The following TSPEAR variants were observed in gnomAD, a reference collection of about 807,000 sequenced individuals.
TSPEAR encodes the protein thrombospondin type laminin G domain and EAR repeats.
TSPEAR carries 69 observed loss-of-function variants against 71.6 expected under a neutral mutation model. The ratio of observed to expected loss-of-function variants is 0.96; its 90% CI spans 0.79 to 1.18. The LOEUF (loss-of-function observed/expected upper bound fraction) is 1.18. Among genes scored for constraint, TSPEAR ranks in the 50% most tolerant of loss-of-function variants. TSPEAR has a pLI of 0.00. For synonymous variants in TSPEAR, 402 were observed against 387.2 expected, an observed-to-expected ratio of 1.04 and a Z score of -0.45; for missense variants, 971 against 894.9, an observed-to-expected ratio of 1.09 and a Z score of -1.09.
In TSPEAR at chr21:44,592,088, A is replaced by T. The variant is rs373258124; in HGVS notation, c.83-24083T>A. 1.4e-5 allele frequency: 20 copies of T among 1,474,376 alleles called. 1 individual carries two copies. Among genetic ancestry groups the T allele is most frequent in the Non-Finnish European group, 1.8e-5 (20 of 1,094,662 alleles). 91.3% of individuals were successfully genotyped at this position (1,474,376 alleles called of 1,614,324 possible). On this transcript the variant is annotated intron_variant, in intron 1 of 11. Transcript: ENST00000323084. The stretch of plus-strand genomic sequence containing the variant: ...CAGCTAGACTGCTGGCAGCATGAAG[A>T]ATCCCCACAGCAGACGGACACACAG...
At chr21:44,564,626 A>G (rs1555921523) in intron 2 of TSPEAR, among the ~76,000 whole-genome samples, 1 of 152,224 alleles carries the variant, frequency 6.6e-6, no homozygotes, top group East Asian at 1.9e-4. Context: ...GAGCACCAAA[A>G]TACATGAAGC....
chr21:44,690,712 T>G (rs562622579), intron 1 of TSPEAR: 1 of 501,670 alleles, frequency 2.0e-6, no homozygotes, highest in Admixed American at 6.4e-5. Flanking sequence ...TATGTGTTTT[T>G]CTAAGGCTAA....
intron 1 of TSPEAR, among the ~76,000 whole-genome samples, chr21:44,707,390 C>T (rs547755638): frequency 1.3e-3 from 191 of 151,538 alleles, no homozygotes; most frequent in African/African-American, 4.3e-3. Flanking sequence ...AGCTGCGGGG[C>T]GCAGGGAGGG....
intron 1 of TSPEAR, chr21:44,574,749 G>T (rs1218362696): frequency 1.2e-6 from 2 of 1,612,900 alleles, no homozygotes; most frequent in African/African-American, 2.7e-5. Context: ...CTGTGTGCCT[G>T]TTTGCTCTGG....
chr21:44,683,478 C>A lies in TSPEAR; in HGVS notation c.82+27955G>T, dbSNP rs949536395. Among the ~76,000 whole-genome samples the A allele has an allele frequency of 2.0e-5, 3 of 149,864 alleles. No homozygotes were observed. The South Asian group carries it at 6.5e-4, about 32-fold the overall frequency. ...GCTAGGAGTTTCAGACCAGCCTGGG[C>A]AACATAGTGAGACTCTGTCTCTACA... On this transcript the variant is annotated intron_variant, in intron 1 of 11. Coordinates refer to ENST00000323084, the MANE Select transcript of TSPEAR (RefSeq NM_144991.3).
chr21:44,588,701 T>TTTATATATTTATTTATATATTTATAC (rs139256853), intron 1 of TSPEAR, among the ~76,000 whole-genome samples: 1 of 143,028 alleles, frequency 7.0e-6, no homozygotes, highest in East Asian at 2.0e-4. Context: ...TATATATTTA[T>TTTATATATTTATTTATATATTTATAC]ATATATAAAC....
intron 2 of TSPEAR, among the ~76,000 whole-genome samples, chr21:44,566,766 A>C (rs955561517): frequency 4.6e-5 from 7 of 152,180 alleles, no homozygotes; most frequent in Admixed American, 3.3e-4. Flanking sequence ...AATGAGGAAA[A>C]AATAATCTCC....
chr21:44,555,322 C>T (rs1382804540), intron 2 of TSPEAR, among the ~76,000 whole-genome samples: 1 of 152,208 alleles, frequency 6.6e-6, no homozygotes, highest in African/African-American at 2.4e-5. Flanking sequence ...AAAGAGACGT[C>T]TCCCAGGTCC....
intron 1 of TSPEAR, chr21:44,580,616 G>T: frequency 6.3e-7 from 1 of 1,580,464 alleles, no homozygotes; most frequent in South Asian, 1.2e-5. Flanking sequence ...AGCTGGGGGA[G>T]GTGTGAGTGA....
At chr21:44,644,515 CAT>C (rs587654348) in intron 1 of TSPEAR, among the ~76,000 whole-genome samples, 199 of 152,198 alleles carry the variant, frequency 1.3e-3, no homozygotes, top group African/African-American at 4.7e-3. Flanking sequence ...CAGGGTCCTT[CAT>C]ATGTTTGTAG....
intron 1 of TSPEAR, chr21:44,702,940 C>T: frequency 1.8e-6 from 1 of 540,740 alleles, no homozygotes; most frequent in Non-Finnish European, 3.3e-6. Flanking sequence ...ACCCTACAAC[C>T]ACGGCTTACC....
At chr21:44,602,937 G>A (rs1460629465) in intron 1 of TSPEAR, among the ~76,000 whole-genome samples, 2 of 152,016 alleles carry the variant, frequency 1.3e-5, no homozygotes, top group African/African-American at 2.4e-5. Context: ...CTGGAGAATC[G>A]CCGTCTTGGG....
chr21:44,684,202 T>C (rs1404647299), intron 1 of TSPEAR, among the ~76,000 whole-genome samples: 1 of 152,152 alleles, frequency 6.6e-6, no homozygotes, highest in Non-Finnish European at 1.5e-5. Flanking sequence ...TAACTGGCAA[T>C]CCGGAAGTCT....
chr21:44,704,327 G>T (rs1389761914), intron 1 of TSPEAR, among the ~76,000 whole-genome samples: 1 of 150,364 alleles, frequency 6.7e-6, no homozygotes, highest in Non-Finnish European at 1.5e-5. Flanking sequence ...CCTGGCTGTT[G>T]GGGCCTGAAA....
At chr21:44,658,423 CT>C in intron 1 of TSPEAR, 2 of 645,202 alleles carry the variant, frequency 3.1e-6, no homozygotes, top group Non-Finnish European at 2.4e-6. Context: ...TGATTCAGAC[CT>C]TCCATGACCC....
chr21:44,522,424 G>A (rs587605531), intron 8 of TSPEAR, among the ~76,000 whole-genome samples: 51 of 152,314 alleles, frequency 3.3e-4, no homozygotes, highest in South Asian at 2.3e-3. Context: ...TCCTGGCCCC[G>A]CTGCCCACGG....
At chr21:44,515,517 G>A (rs2052538529) in intron 9 of TSPEAR, 1 of 152,332 alleles carries the variant, frequency 6.6e-6, no homozygotes, top group Non-Finnish European at 1.5e-5. Flanking sequence ...CCCACCCCTT[G>A]GGACTTCGCC....
intron 1 of TSPEAR, among the ~76,000 whole-genome samples, chr21:44,611,520 T>A (rs1422946203): frequency 3.3e-5 from 5 of 151,718 alleles, no homozygotes; most frequent in Non-Finnish European, 7.4e-5. Flanking sequence ...CAGTCTTGGG[T>A]ATGTCTCTAT....
intron 2 of TSPEAR, among the ~76,000 whole-genome samples, chr21:44,553,099 T>C (rs946855651): frequency 8.5e-5 from 13 of 152,260 alleles, no homozygotes; most frequent in Non-Finnish European, 1.8e-4. Flanking sequence ...GCACTGATGA[T>C]GAAGCTGGTG....
Sources: gnomAD v4.1 joint callset for allele counts (sites outside exome capture counted in the v4.1 genomes callset) on GRCh38, gnomAD v4.1.1 for gene constraint, MANE v1.5 for transcripts, NCBI Gene and HGNC (gene_info 2026-07-23, HGNC 2026-07-21) for gene names.